Variants in BBS9 observed in about 807,000 individuals in gnomAD.
The protein encoded by BBS9 is protein PTHB1.
A neutral mutation model predicts 117.7 loss-of-function variants in BBS9; 89 were observed. The ratio of observed to expected loss-of-function variants is 0.76; its 90% confidence interval spans 0.64 to 0.90. The LOEUF (loss-of-function observed/expected upper bound fraction) is 0.90. Ranked by LOEUF, BBS9 falls within the 40% of genes least tolerant of loss-of-function variation. The pLI, the probability that BBS9 is intolerant of heterozygous loss-of-function variation, is 0.00. For missense variants in BBS9, 982 were observed against 1,042.2 expected, an observed-to-expected ratio of 0.94 and a Z score of 0.80; for synonymous variants, 379 against 370.9, an observed-to-expected ratio of 1.02 and a Z score of -0.25.
At chr7:33,331,399 A>T (rs1563010144) in intron 9 of BBS9, among the ~76,000 whole-genome samples, 1 of 152,216 alleles carries the variant, frequency 6.6e-6, no homozygotes, top group Non-Finnish European at 1.5e-5. Context: ...TATTCAACAT[A>T]GTACTGGAAG....
Position 33,416,270 on chromosome 7 carries a change from C to A in BBS9, c.2115+28126C>A, listed in dbSNP as rs76989747. On this transcript the variant is annotated intron_variant, in intron 19 of 22. Transcript: ENST00000242067. ...TCCTCATGGTGAGAACAGGCTGCCC[C>A]CTTCACATGGGTCCTGCCTTCTTCT... 8.6e-3 allele frequency among the ~76,000 whole-genome samples: 1,305 copies of A among 151,530 alleles called. 21 individuals are homozygous for A. Among genetic ancestry groups the A allele is most frequent in the African/African-American group, 0.03 (1,254 of 41,284 alleles).
intron 21 of BBS9, among the ~76,000 whole-genome samples, chr7:33,552,463 C>T (rs991643046): frequency 1.3e-5 from 2 of 152,248 alleles, no homozygotes; most frequent in African/African-American, 4.8e-5. Flanking sequence ...CCTTGAAACC[C>T]CATGGGTTTC....
chr7:33,303,209 A>T (rs77715422), intron 9 of BBS9, among the ~76,000 whole-genome samples: 1 of 152,196 alleles, frequency 6.6e-6, no homozygotes, highest in South Asian at 2.1e-4. Flanking sequence ...TTGTCTGCCA[A>T]TAAGGATAAT....
chr7:33,236,953 A>T (rs1363579545), intron 5 of BBS9, among the ~76,000 whole-genome samples: 1 of 152,174 alleles, frequency 6.6e-6, no homozygotes, highest in Non-Finnish European at 1.5e-5. Flanking sequence ...TTACACATGC[A>T]TACACATTAT....
At chr7:33,310,734 G>C (rs916505888) in intron 9 of BBS9, among the ~76,000 whole-genome samples, 1 of 152,172 alleles carries the variant, frequency 6.6e-6, no homozygotes, top group Admixed American at 6.5e-5. Flanking sequence ...GTATTTACTG[G>C]TAGAGGCCTG....
intron 21 of BBS9, among the ~76,000 whole-genome samples, chr7:33,549,607 A>G (rs1352285889): frequency 6.6e-6 from 1 of 150,828 alleles, no homozygotes; most frequent in Non-Finnish European, 1.5e-5. Context: ...CACATCAAAA[A>G]GTGGGCAAAG....
At chr7:33,346,006 A>G (rs1454654757) in intron 12 of BBS9, among the ~76,000 whole-genome samples, 1 of 152,132 alleles carries the variant, frequency 6.6e-6, no homozygotes, top group East Asian at 1.9e-4. Flanking sequence ...CTACTGGAAA[A>G]TTCTCCTTCT....
At chr7:33,387,933 T>C in intron 18 of BBS9, 59 bp from the exon 19 acceptor site, 1 of 1,552,910 alleles carries the variant, frequency 6.4e-7, no homozygotes, top group South Asian at 1.1e-5. Flanking sequence ...TGTGTATTTT[T>C]TCTTTAAAGA....
intron 9 of BBS9, among the ~76,000 whole-genome samples, chr7:33,323,541 A>G (rs1024041762): frequency 6.6e-6 from 1 of 151,812 alleles, no homozygotes; most frequent in South Asian, 2.1e-4. Context: ...ATTTTGTCTG[A>G]TATAAGTATA....
At chr7:33,331,741 AC>A (rs1344503425) in intron 9 of BBS9, among the ~76,000 whole-genome samples, 3 of 151,968 alleles carry the variant, frequency 2.0e-5, no homozygotes, top group African/African-American at 7.2e-5. Flanking sequence ...AATATACTTA[AC>A]CAATGAGGTG....
intron 5 of BBS9, among the ~76,000 whole-genome samples, chr7:33,221,432 A>G (rs1040789748): frequency 6.6e-6 from 1 of 152,196 alleles, no homozygotes; most frequent in African/African-American, 2.4e-5. Context: ...CTCCATGGAA[A>G]AAGTATTTAA....
At chr7:33,320,920 G>A (rs1811579573) in intron 9 of BBS9, among the ~76,000 whole-genome samples, 1 of 151,568 alleles carries the variant, frequency 6.6e-6, no homozygotes, top group East Asian at 1.9e-4. Context: ...ATGGGGAGAG[G>A]GGTCTAGTTT....
intron 17 of BBS9, among the ~76,000 whole-genome samples, chr7:33,373,050 G>T (rs1823154328): frequency 6.6e-6 from 1 of 151,340 alleles, no homozygotes; most frequent in African/African-American, 2.4e-5. Flanking sequence ...CCAAAGGTTT[G>T]TTCAATTTTC....
At chr7:33,231,846 G>A (rs1277235190) in intron 5 of BBS9, among the ~76,000 whole-genome samples, 1 of 151,950 alleles carries the variant, frequency 6.6e-6, no homozygotes, top group East Asian at 1.9e-4. Context: ...TTTTGGTCTA[G>A]GTAATTCTTT....
intron 21 of BBS9, among the ~76,000 whole-genome samples, chr7:33,545,145 T>G (rs1473184255): frequency 6.6e-6 from 1 of 152,152 alleles, no homozygotes; most frequent in African/African-American, 2.4e-5. Flanking sequence ...GAAAAGGGCT[T>G]TAGTTCTTCC....
At chr7:33,418,110 G>A (rs892555180) in intron 19 of BBS9, among the ~76,000 whole-genome samples, 1 of 152,150 alleles carries the variant, frequency 6.6e-6, no homozygotes, top group Non-Finnish European at 1.5e-5. Flanking sequence ...ACAGCCCTTG[G>A]CATCTTGGGA....
intron 20 of BBS9, among the ~76,000 whole-genome samples, chr7:33,523,015 C>T (rs2129044776): frequency 6.7e-6 from 1 of 149,724 alleles, no homozygotes; most frequent in Admixed American, 6.6e-5. Context: ...ATCCTTTCCC[C>T]ATTGCTTGTT....
chr7:33,387,366 C>T (rs919568978), intron 18 of BBS9, among the ~76,000 whole-genome samples: 2 of 151,980 alleles, frequency 1.3e-5, no homozygotes, highest in Admixed American at 6.6e-5. Flanking sequence ...AGGTTGTGGT[C>T]TTTTTCTCAT....
intron 21 of BBS9, among the ~76,000 whole-genome samples, chr7:33,573,325 C>T (rs897146199): frequency 5.3e-5 from 8 of 152,062 alleles, no homozygotes; most frequent in Non-Finnish European, 1.2e-4. Flanking sequence ...ACAGGAAAAA[C>T]GTACGAAGAA....
Sources: allele counts gnomAD v4.1 joint callset (sites outside exome capture counted in the v4.1 genomes callset), GRCh38; gene constraint gnomAD v4.1.1; transcripts MANE v1.5; gene names NCBI Gene and HGNC (gene_info 2026-07-23, HGNC 2026-07-21).